Variants in OSBPL6 observed in about 807,000 individuals in gnomAD.
OSBPL6 encodes oxysterol binding protein like 6.
Under a neutral mutation model 125.8 loss-of-function variants are expected in OSBPL6, and 49 were observed. That is an observed-to-expected ratio of 0.39 (90% CI 0.31 to 0.49). The LOEUF is 0.49. OSBPL6 is among the 20% of genes least tolerant of loss of function. The probability of loss-of-function intolerance (pLI) is 0.88; values close to 1 mark genes in which losing one functional copy is unlikely to be tolerated. For missense variants in OSBPL6, 986 were observed against 1,135.4 expected, an observed-to-expected ratio of 0.87 and a Z score of 1.89; for synonymous variants, 394 against 391.8, an observed-to-expected ratio of 1.01 and a Z score of -0.07.
At chr2:178,382,167 G>C (rs1694540483) in intron 15 of OSBPL6, among the ~76,000 whole-genome samples, 1 of 152,100 alleles carries the variant, frequency 6.6e-6, no homozygotes. Context: ...AAATATTTCT[G>C]GTTCTTTACT....
At chr2:178,221,432 T>C (rs960196268) in intron 1 of OSBPL6, among the ~76,000 whole-genome samples, 2 of 152,206 alleles carry the variant, frequency 1.3e-5, no homozygotes, top group African/African-American at 2.4e-5. Flanking sequence ...TGGGTCATTA[T>C]TGAGCGAAAC....
At chr2:178,194,729 T>G (rs1307716397) in intron 1 of OSBPL6, 55 bp downstream of exon 1, 1 of 152,184 alleles carries the variant, frequency 6.6e-6, no homozygotes, top group East Asian at 1.9e-4. Flanking sequence ...GGTGCCCGCA[T>G]CGCGGCCCGG....
chr2:178,246,186 G>A (rs2091483573), intron 1 of OSBPL6, among the ~76,000 whole-genome samples: 1 of 151,984 alleles, frequency 6.6e-6, no homozygotes, highest in Non-Finnish European at 1.5e-5. Context: ...TTTTTTCACT[G>A]CGAGAGTATT....
chr2:178,342,753 G>A (rs1690326000), intron 11 of OSBPL6, among the ~76,000 whole-genome samples: 1 of 152,176 alleles, frequency 6.6e-6, no homozygotes, highest in African/African-American at 2.4e-5. Context: ...GATTTTGAAA[G>A]AGCGGTTAGA....
At chr2:178,213,979 G>A (rs1028061329) in intron 1 of OSBPL6, among the ~76,000 whole-genome samples, 3 of 152,122 alleles carry the variant, frequency 2.0e-5, no homozygotes, top group African/African-American at 4.8e-5. Flanking sequence ...TATGCCAACA[G>A]CATCCTGTAT....
At chr2:178,316,864 C>T (rs1687779412) in intron 3 of OSBPL6, among the ~76,000 whole-genome samples, 1 of 151,628 alleles carries the variant, frequency 6.6e-6, no homozygotes, top group African/African-American at 2.4e-5. Flanking sequence ...GTCAGTCCCC[C>T]AAGGATACCA....
chr2:178,368,889 C>T (rs779586122), intron 13 of OSBPL6, among the ~76,000 whole-genome samples: 11 of 151,438 alleles, frequency 7.3e-5, no homozygotes, highest in Non-Finnish European at 7.4e-5. Context: ...GCCTCCACCT[C>T]GAGTTAAAGT....
In OSBPL6 at chr2:178,339,745, A is replaced by T; in HGVS notation, c.968A>T (p.Asp323Val). Residue 323 changes from aspartate (D) to valine (V), a missense_variant, in exon 11 of 25, where the codon GAT (aspartate) becomes GTT (valine). Coordinates refer to ENST00000190611, the MANE Select transcript of OSBPL6 (RefSeq NM_032523.4). ...TGGAGAACAAAAAGTGTCAGCAAAG[A>T]TACAAAAATACAACTGCAGGTACAG... ...RRWRTKSVSK[D>V]TKIQLQVPFS... 1 of 1,603,528 alleles carries T rather than the reference A, an allele frequency of 6.2e-7. No individual in the cohort carries two copies. Among genetic ancestry groups the T allele is most frequent in the Non-Finnish European group, 8.5e-7 (1 of 1,175,520 alleles).
Position 178,210,823 on chromosome 2 carries a change from A to AAAAC in OSBPL6, c.-351+16150_-351+16151insAACA, listed in dbSNP as rs1457176072. Among the ~76,000 whole-genome samples the AAAAC allele has an allele frequency of 1.6e-3, 237 of 145,476 alleles. 2 individuals are homozygous for AAAAC. Among genetic ancestry groups the AAAAC allele is most frequent in the African/African-American group, 5.8e-3 (225 of 38,626 alleles). The stretch of plus-strand genomic sequence containing the variant: ...GTGAGACAATGTTTCAAAAAAAAAA[A>AAAAC]ACACACACACACACACACACACACA... On this transcript the variant is annotated intron_variant, in intron 1 of 24. Coordinates refer to ENST00000190611, the MANE Select transcript of OSBPL6 (RefSeq NM_032523.4).
At chr2:178,249,020 T>A (rs1322668649) in intron 1 of OSBPL6, among the ~76,000 whole-genome samples, 1 of 152,166 alleles carries the variant, frequency 6.6e-6, no homozygotes, top group Non-Finnish European at 1.5e-5. Context: ...CACTGCAACC[T>A]CCACCTCCCC....
intron 1 of OSBPL6, among the ~76,000 whole-genome samples, chr2:178,278,825 A>G (rs567782170): frequency 1.3e-5 from 2 of 152,356 alleles, no homozygotes; most frequent in Middle Eastern, 3.4e-3. Context: ...CAAAATGATT[A>G]TCTTTTCACT....
At position 178,262,269 on chromosome 2, in the gene OSBPL6, A is replaced by G. The variant is rs2092088684; in HGVS notation, c.-350-22658A>G. ...GGTTTAAAATGCCAGTCTCAAAACT[A>G]TGTCAGTTTTCAAATTGAATATCTT... On this transcript the variant is annotated intron_variant, in intron 1 of 24. Transcript: ENST00000190611. 2.6e-5 allele frequency among the ~76,000 whole-genome samples: 4 copies of G among 152,208 alleles called. No individual in the cohort carries two copies. The South Asian group carries it at 8.3e-4, about 31-fold the overall frequency.
chr2:178,273,200 G>A (rs2092405171), intron 1 of OSBPL6, among the ~76,000 whole-genome samples: 1 of 152,144 alleles, frequency 6.6e-6, no homozygotes. Flanking sequence ...AGAGGAAGGT[G>A]GAAAGTTAGT....
rs554677763 is a variant in OSBPL6 at position 178,340,448 on chromosome 2, T to C, written c.987+684T>C. On this transcript the variant is annotated intron_variant, in intron 11 of 24. Coordinates refer to ENST00000190611, the MANE Select transcript of OSBPL6 (RefSeq NM_032523.4). ...TAGCTTGTAATAAATGTACTTGAAA[T>C]TTATTTGAAATAAATTATGTATTTG... Among the ~76,000 whole-genome samples the C allele has an allele frequency of 1.5e-4, 23 of 152,272 alleles. 2 individuals are homozygous for C. The South Asian group carries it at 4.8e-3, about 32-fold the overall frequency.
In OSBPL6 at chr2:178,292,122, CT is replaced by C. The variant is rs987467175; in HGVS notation, c.-156+7009del. ...CTCCCATCCCCCACCCTCCAGTAAA[CT>C]TTTTTTTCCCCGAAACTCAATGATT... is the stretch of plus-strand genomic sequence containing the variant. On this transcript the variant is annotated intron_variant, in intron 2 of 24. Transcript: ENST00000190611. Among the ~76,000 whole-genome samples, 13 of 151,752 alleles carry C rather than the reference CT, an allele frequency of 8.6e-5. No homozygotes were observed. In the East Asian group the frequency reaches 9.7e-4, roughly 11 times the overall value.
chr2:178,242,765 G>A (rs1005803322), intron 1 of OSBPL6, among the ~76,000 whole-genome samples: 3 of 152,036 alleles, frequency 2.0e-5, no homozygotes, highest in Non-Finnish European at 2.9e-5. Context: ...GCAGGATATC[G>A]ATGCGTTAAG....
intron 11 of OSBPL6, among the ~76,000 whole-genome samples, chr2:178,342,430 C>T (rs1690298250): frequency 6.6e-6 from 1 of 152,040 alleles, no homozygotes; most frequent in Non-Finnish European, 1.5e-5. Flanking sequence ...ACATGTTATA[C>T]TGGATGTTTG....
intron 1 of OSBPL6, among the ~76,000 whole-genome samples, chr2:178,263,261 C>G (rs750550960): frequency 6.6e-6 from 1 of 152,166 alleles, no homozygotes; most frequent in Non-Finnish European, 1.5e-5. Context: ...GGCGGATCAG[C>G]TGAGGTCAGG....
chr2:178,342,606 G>A (rs137948015), intron 11 of OSBPL6, among the ~76,000 whole-genome samples: 63 of 152,276 alleles, frequency 4.1e-4, no homozygotes, highest in African/African-American at 1.3e-3. Context: ...GTTCTGTGGA[G>A]ATTACCTTTT....
Sources: gnomAD v4.1 joint callset for allele counts (sites outside exome capture counted in the v4.1 genomes callset) on GRCh38, gnomAD v4.1.1 for gene constraint, MANE v1.5 for transcripts, NCBI Gene and HGNC (gene_info 2026-07-23, HGNC 2026-07-21) for gene names.